Variants in OSMR observed in about 807,000 individuals in gnomAD.
The protein encoded by OSMR is oncostatin M receptor.
A neutral mutation model predicts 99.9 loss-of-function variants in OSMR; 81 were observed. The observed-to-expected ratio is 0.81, with a 90% confidence interval of 0.68 to 0.97. OSMR has a LOEUF of 0.97. OSMR is among the 50% of genes least tolerant of loss of function. The probability of loss-of-function intolerance (pLI) is 0.00; values close to 1 mark genes in which losing one functional copy is unlikely to be tolerated. For missense variants in OSMR, 1,099 were observed against 1,153.4 expected, an observed-to-expected ratio of 0.95 and a Z score of 0.68; for synonymous variants, 406 against 410.4, an observed-to-expected ratio of 0.99 and a Z score of 0.13.
chr5:38,925,739 G>C (rs536487178), intron 15 of OSMR, among the ~76,000 whole-genome samples: 2 of 152,328 alleles, frequency 1.3e-5, no homozygotes, highest in South Asian at 4.1e-4. Context: ...CTTCTGTCTA[G>C]AGAAGAGTGG....
chr5:38,890,602 CTT>C (rs58375870), intron 7 of OSMR, among the ~76,000 whole-genome samples: 5,747 of 140,038 alleles, frequency 0.041, 129 homozygotes, highest in South Asian at 0.098. Context: ...AAAGCCCCCT[CTT>C]TTTTTTTTTT....
chr5:38,917,942 A>G (rs1561401059), intron 10 of OSMR, among the ~76,000 whole-genome samples: 1 of 152,216 alleles, frequency 6.6e-6, no homozygotes, highest in Non-Finnish European at 1.5e-5. Context: ...ATATTTAAAT[A>G]GTCATACTAT....
intron 9 of OSMR, among the ~76,000 whole-genome samples, chr5:38,914,741 C>G (rs1425136168): frequency 1.3e-5 from 2 of 152,142 alleles, no homozygotes; most frequent in African/African-American, 2.4e-5. Context: ...AACAGAAAAT[C>G]CAATACTGCA....
intron 15 of OSMR, among the ~76,000 whole-genome samples, chr5:38,928,944 T>TAAG (rs752959282): frequency 9.8e-5 from 15 of 152,298 alleles, no homozygotes; most frequent in Non-Finnish European, 2.2e-4. Context: ...TAAATATGTA[T>TAAG]TTTCTAAGTC....
chr5:38,899,349 G>C (rs566855967), intron 7 of OSMR, among the ~76,000 whole-genome samples: 1 of 152,196 alleles, frequency 6.6e-6, no homozygotes, highest in Admixed American at 6.5e-5. Flanking sequence ...TGTGTCCCAG[G>C]TCAGATCCAG....
chr5:38,928,219 T>G (rs1412673484), intron 15 of OSMR, among the ~76,000 whole-genome samples: 1 of 152,170 alleles, frequency 6.6e-6, no homozygotes, highest in Non-Finnish European at 1.5e-5. Flanking sequence ...CCTCTCTTCT[T>G]CTGAGCCCTC....
chr5:38,925,552 T>C (rs1746437715), intron 15 of OSMR, among the ~76,000 whole-genome samples, 181 bp downstream of exon 15: 1 of 152,184 alleles, frequency 6.6e-6, no homozygotes, highest in South Asian at 2.1e-4. Flanking sequence ...GCACAGACTC[T>C]CACTATATAA....
chr5:38,937,214 T>TA (rs1426009649), downstream of OSMR, among the ~76,000 whole-genome samples: 9 of 152,156 alleles, frequency 5.9e-5, no homozygotes, highest in African/African-American at 2.2e-4. This position sits in a 1 kb window ranked among gnomAD's most constrained non-coding sequence, Gnocchi z 4.0. Flanking sequence ...TTTGTATTTT[T>TA]AGTAGAGACG....
intron 9 of OSMR, among the ~76,000 whole-genome samples, chr5:38,905,541 G>A (rs950289117): frequency 6.6e-6 from 1 of 151,716 alleles, no homozygotes; most frequent in South Asian, 2.1e-4. Flanking sequence ...TACATAGCTC[G>A]AAGGGCCCTC....
Position 38,881,782 on chromosome 5 carries a change from T to A in OSMR, c.418+18T>A, listed in dbSNP as rs1201187125. The A allele has an allele frequency of 1.9e-6, 3 of 1,602,270 alleles. No individual in the cohort carries two copies. The highest frequency in any genetic ancestry group is 2.6e-6 in the Non-Finnish European group (3 of 1,169,318). On this transcript the variant is annotated intron_variant, in intron 4 of 17. Transcript: ENST00000274276. Reference sequence around the variant, plus strand: ...AGTCAGTGGTAAGAAGTGAGGTGGTTACAAGAGTGAAAAGGGTTAATATAT... The same window carrying A: ...AGTCAGTGGTAAGAAGTGAGGTGGTAACAAGAGTGAAAAGGGTTAATATAT...
At position 38,931,943 on chromosome 5, in the gene OSMR, T is replaced by C. The variant is rs1341375096; in HGVS notation, c.2273T>C (p.Met758Thr). The C allele has an allele frequency of 1.9e-6, 3 of 1,613,358 alleles. No individual in the cohort carries two copies. Among genetic ancestry groups the C allele is most frequent in the Non-Finnish European group, 2.5e-6 (3 of 1,179,364 alleles). ...MVFCVLLIMV[M>T]CYLKSQWIKE... ...TTCTGCGTCTTGCTCATCATGGTCA[T>C]GTGCTACTTGAAAAGTCAGTGGTAA... The change falls in exon 16 of 18, where the codon ATG (methionine) becomes ACG (threonine). Residue 758 changes from methionine to threonine, a missense_variant. By Grantham distance (81) the Met-to-Thr change is moderately conservative (BLOSUM62 -1). Coordinates refer to ENST00000274276, the MANE Select transcript of OSMR (RefSeq NM_003999.3).
intron 1 of OSMR, among the ~76,000 whole-genome samples, chr5:38,861,737 G>A (rs868371308): frequency 4.7e-5 from 7 of 150,472 alleles, no homozygotes; most frequent in Non-Finnish European, 8.9e-5. Flanking sequence ...GGGGCTGGCC[G>A]GGCAGGGGAC....
At chr5:38,909,561 A>T (rs1052846531) in intron 9 of OSMR, among the ~76,000 whole-genome samples, 1 of 152,220 alleles carries the variant, frequency 6.6e-6, no homozygotes, top group African/African-American at 2.4e-5. Context: ...AAGCCAAAAG[A>T]GATTGGGGCC....
chr5:38,904,325 T>C (rs1745086155), intron 8 of OSMR, 28 bp from the exon 9 acceptor site: 2 of 1,608,028 alleles, frequency 1.2e-6, no homozygotes, highest in Admixed American at 1.7e-5. Context: ...TTCTCTTTTT[T>C]CTTTTCTTCT....
Position 38,918,950 on chromosome 5 carries a change from C to T in OSMR, c.1473C>T (p.Asn491=), listed in dbSNP as rs769695594. Residue 491 remains asparagine, a synonymous_variant, in exon 11 of 18, where the codon AAC becomes AAT. Transcript: ENST00000274276. ...TCCATTCCATTCCAGCACCAGCCAACAGCACAAAACTAATCCTTGACAGGT... is the reference window on the plus strand; with the variant it reads ...TCCATTCCATTCCAGCACCAGCCAATAGCACAAAACTAATCCTTGACAGGT... ...SELHSIPAPA[N]STKLILDRCS... is the part of the protein sequence containing the mutation. The T allele has an allele frequency of 4.3e-6, 7 of 1,614,162 alleles. No homozygotes were observed. In the East Asian group the frequency reaches 1.6e-4, roughly 36 times the overall value.
At chr5:38,876,117 G>T in intron 2 of OSMR, 84 bp from the exon 3 acceptor site, 2 of 1,566,366 alleles carry the variant, frequency 1.3e-6, no homozygotes, top group South Asian at 1.2e-5. Flanking sequence ...GCTAAATAAT[G>T]ATGATATTCA....
At chr5:38,866,219 C>T (rs1741930917) in intron 1 of OSMR, among the ~76,000 whole-genome samples, 1 of 152,130 alleles carries the variant, frequency 6.6e-6, no homozygotes, top group South Asian at 2.1e-4. Flanking sequence ...CCTCAGGCCT[C>T]CCGATGTTGT....
At chr5:38,878,387 CCT>C (rs535943690) in intron 3 of OSMR, among the ~76,000 whole-genome samples, 55 of 152,234 alleles carry the variant, frequency 3.6e-4, no homozygotes, top group Non-Finnish European at 7.2e-4. Flanking sequence ...GTCTCGGACA[CCT>C]CTGTTCCCAA....
chr5:38,861,496 GAA>G (rs1561337276), intron 1 of OSMR, among the ~76,000 whole-genome samples: 1 of 152,174 alleles, frequency 6.6e-6, no homozygotes, highest in Non-Finnish European at 1.5e-5. Flanking sequence ...AGAACAAAAT[GAA>G]AAGTCTCCCA....
Sources: allele counts gnomAD v4.1 joint callset (sites outside exome capture counted in the v4.1 genomes callset), GRCh38; gene constraint gnomAD v4.1.1; non-coding constraint Gnocchi (gnomAD v3.1); transcripts MANE v1.5; gene names NCBI Gene and HGNC (gene_info 2026-07-23, HGNC 2026-07-21).